ATP1B3: variants seen among roughly 807,000 people sequenced by gnomAD.
ATP1B3 encodes the protein sodium/potassium-transporting ATPase subunit beta-3.
A neutral mutation model predicts 30.2 loss-of-function variants in ATP1B3; 10 were observed. That is an observed-to-expected ratio of 0.33 (90% CI 0.20 to 0.56). ATP1B3 has a LOEUF of 0.56. Ranked by LOEUF, ATP1B3 falls within the 20% of genes least tolerant of loss-of-function variation. ATP1B3 has a pLI of 0.90. For synonymous variants in ATP1B3, 113 were observed against 117.0 expected, an observed-to-expected ratio of 0.97 and a Z score of 0.22; for missense variants, 238 against 336.7, an observed-to-expected ratio of 0.71 and a Z score of 2.29.
At chr3:141,883,564 A>G (rs920793984) in intron 1 of ATP1B3, among the ~76,000 whole-genome samples, 2 of 152,182 alleles carry the variant, frequency 1.3e-5, no homozygotes, top group Non-Finnish European at 2.9e-5. Context: ...TTTCTATCAT[A>G]GCATTTATAA....
intron 6 of ATP1B3, among the ~76,000 whole-genome samples, chr3:141,922,858 C>T (rs573638315): frequency 1.4e-4 from 21 of 152,006 alleles, no homozygotes; most frequent in African/African-American, 4.8e-4. Context: ...CCCAGCTGCT[C>T]GAGAGGGTGA....
At chr3:141,906,325 A>G (rs757855434) in intron 2 of ATP1B3, among the ~76,000 whole-genome samples, 30 of 152,138 alleles carry the variant, frequency 2.0e-4, no homozygotes, top group Non-Finnish European at 3.7e-4. Context: ...GACTACAGGC[A>G]TGCACCACCA....
At chr3:141,879,932 T>G (rs1026696690) in intron 1 of ATP1B3, among the ~76,000 whole-genome samples, 2 of 150,922 alleles carry the variant, frequency 1.3e-5, no homozygotes, top group Non-Finnish European at 2.9e-5. Flanking sequence ...GAGAAAAAGA[T>G]TATGTATTTG....
At chr3:141,908,087 TTTA>T (rs1934294655) in intron 3 of ATP1B3, among the ~76,000 whole-genome samples, 1 of 149,600 alleles carries the variant, frequency 6.7e-6, no homozygotes, top group African/African-American at 2.5e-5. Context: ...TTTTTTTTTT[TTTA>T]TTATACTTTA....
intron 1 of ATP1B3, among the ~76,000 whole-genome samples, chr3:141,900,923 C>G (rs1341936175): frequency 6.6e-6 from 1 of 152,172 alleles, no homozygotes; most frequent in Non-Finnish European, 1.5e-5. Context: ...GCTGGAATTA[C>G]AGGAGTGCAC....
chr3:141,889,774 CA>C (rs1933906010), intron 1 of ATP1B3, among the ~76,000 whole-genome samples: 1 of 139,610 alleles, frequency 7.2e-6, no homozygotes, highest in Non-Finnish European at 1.5e-5. Flanking sequence ...CACACACACA[CA>C]CACACACACA....
intron 1 of ATP1B3, among the ~76,000 whole-genome samples, chr3:141,895,615 A>G (rs751051595): frequency 6.6e-6 from 1 of 152,056 alleles, no homozygotes; most frequent in Non-Finnish European, 1.5e-5. Flanking sequence ...CTGTTGGTGG[A>G]TATTTGGGTT....
chr3:141,925,073 AC>A (rs557343240), intron 6 of ATP1B3, among the ~76,000 whole-genome samples: 72 of 152,286 alleles, frequency 4.7e-4, no homozygotes, highest in African/African-American at 1.7e-3. Context: ...GAGCTGTCAC[AC>A]CCAGTCAACA....
intron 1 of ATP1B3, among the ~76,000 whole-genome samples, chr3:141,878,208 G>A (rs1426617288): frequency 6.6e-6 from 1 of 152,172 alleles, no homozygotes; most frequent in African/African-American, 2.4e-5. Flanking sequence ...GCCAAGAAAA[G>A]AACCCAGTTC....
rs758729132 is a variant in ATP1B3, at chr3:141,876,821, A to C, written c.20A>C (p.Lys7Thr). Residue 7 changes from lysine (K) to threonine (T), a missense_variant, in exon 1 of 7, where the codon AAG (lysine) becomes ACG (threonine). Physicochemically the swap from Lys to Thr is moderately conservative, Grantham distance 78 (BLOSUM62 -1). Transcript: ENST00000286371. ...CACACCATGACGAAGAACGAGAAGA[A>C]GTCCCTCAACCAGAGCCTGGCCGAG... MTKNEK[K>T]SLNQSLAEWK... The C allele has an allele frequency of 1.2e-5, 19 of 1,589,110 alleles. No individual in the cohort carries two copies. The Admixed American group carries it at 2.4e-4, about 20-fold the overall frequency.
intron 1 of ATP1B3, 147 bp from the exon 2 acceptor site, chr3:141,903,473 C>A: frequency 8.3e-7 from 1 of 1,207,672 alleles, no homozygotes; most frequent in Non-Finnish European, 1.1e-6. Context: ...TTTATGTGTC[C>A]TGAATATGAG....
At chr3:141,924,962 TTAATAA>T (rs762256554) in intron 6 of ATP1B3, among the ~76,000 whole-genome samples, 61 of 150,678 alleles carry the variant, frequency 4.0e-4, no homozygotes, top group African/African-American at 1.2e-3. Context: ...CACAAAAAAA[TTAATAA>T]TAATAATGAT....
chr3:141,913,264 A>G (rs1269845711), intron 3 of ATP1B3, among the ~76,000 whole-genome samples: 1 of 150,490 alleles, frequency 6.6e-6, no homozygotes, highest in Non-Finnish European at 1.5e-5. Flanking sequence ...TTCTGATTTT[A>G]TACTCACTTA....
intron 3 of ATP1B3, among the ~76,000 whole-genome samples, chr3:141,913,103 A>C (rs546508288): frequency 6.6e-6 from 1 of 152,272 alleles, no homozygotes; most frequent in African/African-American, 2.4e-5. Flanking sequence ...CATAGTTTAC[A>C]AGACTCTATA....
chr3:141,895,501 TAGCATAATTA>T (rs1934048603), intron 1 of ATP1B3, among the ~76,000 whole-genome samples: 1 of 152,174 alleles, frequency 6.6e-6, no homozygotes, highest in Admixed American at 6.5e-5. Context: ...CTTTTTTCTT[TAGCATAATTA>T]TTTTGAGATC....
At chr3:141,919,093 ACATAT>A (rs1934520196) in intron 5 of ATP1B3, 1 of 152,236 alleles carries the variant, frequency 6.6e-6, no homozygotes, top group Non-Finnish European at 1.5e-5. Context: ...AGCATTTACT[ACATAT>A]CATAATTGCA....
chr3:141,916,479 T>G, intron 5 of ATP1B3: 2 of 1,086,478 alleles, frequency 1.8e-6, no homozygotes, highest in South Asian at 2.6e-5. Context: ...CTACTTACTT[T>G]TTTTTCCAGA....
intron 1 of ATP1B3, among the ~76,000 whole-genome samples, chr3:141,884,866 C>G (rs1017817601): frequency 6.6e-6 from 1 of 152,136 alleles, no homozygotes; most frequent in Non-Finnish European, 1.5e-5. Flanking sequence ...GCCTTGTTTT[C>G]TCTTCTTCTT....
intron 1 of ATP1B3, among the ~76,000 whole-genome samples, chr3:141,882,732 C>T (rs918570461): frequency 3.9e-5 from 6 of 152,150 alleles, no homozygotes; most frequent in East Asian, 3.9e-4. Context: ...TACAGGCATG[C>T]GCTACCATGC....
Sources: gnomAD v4.1 joint callset for allele counts (sites outside exome capture counted in the v4.1 genomes callset) on GRCh38, gnomAD v4.1.1 for gene constraint, MANE v1.5 for transcripts, NCBI Gene and HGNC (gene_info 2026-07-23, HGNC 2026-07-21) for gene names.